Variants in JAKMIP3 observed in about 807,000 individuals in gnomAD.
JAKMIP3 encodes the protein janus kinase and microtubule-interacting protein 3.
In JAKMIP3, 58 loss-of-function variants were observed where a neutral mutation model predicts 118.5. The observed-to-expected ratio is 0.49, with a 90% CI of 0.40 to 0.61. The LOEUF (loss-of-function observed/expected upper bound fraction) is 0.61, where lower values mean the gene tolerates loss of function less well. Ranked by LOEUF, JAKMIP3 falls within the 20% of genes least tolerant of loss-of-function variation. JAKMIP3 has a pLI of 0.00. For synonymous variants in JAKMIP3, 486 were observed against 451.2 expected, an observed-to-expected ratio of 1.08 and a Z score of -0.98; for missense variants, 950 against 1,109.0, an observed-to-expected ratio of 0.86 and a Z score of 2.04.
At chr10:132,165,517 C>T (rs1264916250) in intron 21 of JAKMIP3, among the ~76,000 whole-genome samples, 1 of 152,138 alleles carries the variant, frequency 6.6e-6, no homozygotes, top group East Asian at 1.9e-4. Flanking sequence ...GGGACGGGCT[C>T]CCTCCGAGGG....
chr10:132,080,040 C>A (rs1278142085), intron 1 of JAKMIP3, among the ~76,000 whole-genome samples: 1 of 152,184 alleles, frequency 6.6e-6, no homozygotes, highest in Non-Finnish European at 1.5e-5. Flanking sequence ...TTTGAGGTGG[C>A]ATGGTGGCTC....
In JAKMIP3 at chr10:132,130,362, A is replaced by C. The variant is rs1466021519; in HGVS notation, c.634-2950A>C. Reference sequence around the variant, plus strand: ...ACAAGCCCCAGCTAGGACAAAGCACATCTCCTTATCTCTAGCACATCCGCT... The same window carrying C: ...ACAAGCCCCAGCTAGGACAAAGCACCTCTCCTTATCTCTAGCACATCCGCT... On this transcript the variant is annotated intron_variant, in intron 3 of 23. Transcript: ENST00000684848. Among the ~76,000 whole-genome samples, 3 of 152,240 alleles carry C rather than the reference A, an allele frequency of 2.0e-5. No individual in the cohort carries two copies. The South Asian group carries it at 6.2e-4, about 31-fold the overall frequency.
intron 2 of JAKMIP3, 93 bp downstream of exon 2, chr10:132,105,036 C>T (rs547517909): frequency 7.1e-7 from 1 of 1,416,194 alleles, no homozygotes; most frequent in African/African-American, 1.4e-5. Context: ...TTGGCCAGAT[C>T]CCTGTGGAAA....
At chr10:132,178,238 G>A (rs775583293) in intron 23 of JAKMIP3, among the ~76,000 whole-genome samples, 4 of 152,252 alleles carry the variant, frequency 2.6e-5, no homozygotes, top group Admixed American at 1.3e-4. Flanking sequence ...GCCACATGGG[G>A]CTCCGCCGTG....
At position 132,180,742 on chromosome 10, in the gene JAKMIP3, C is replaced by CGCGCGTGTGT. The variant is rs1412152341; in HGVS notation, c.*1104-1614_*1104-1613insCGCGTGTGTG. On this transcript the variant is annotated intron_variant, in intron 23 of 23. Coordinates refer to ENST00000684848, the MANE Select transcript of JAKMIP3 (RefSeq NM_001323087.2). ...GTGCGTGTGTGTGCGTGTGTGCGTG[C>CGCGCGTGTGT]GTGCGCGCGCGTGTGTGCGTGTGTG... 6.9e-4 allele frequency among the ~76,000 whole-genome samples: 6 copies of CGCGCGTGTGT among 8,710 alleles called. 1 individual carries two copies. The highest frequency in any genetic ancestry group is 3.5e-3 in the African/African-American group (6 of 1,724). The allele number at this position is 8,710 out of a possible 152,430, so 5.7% of individuals were successfully genotyped here.
upstream of JAKMIP3, among the ~76,000 whole-genome samples, chr10:132,064,578 C>T (rs779300498): frequency 2.6e-5 from 4 of 152,166 alleles, no homozygotes; most frequent in Non-Finnish European, 5.9e-5. This position sits in a 1 kb window ranked among gnomAD's most constrained non-coding sequence, Gnocchi z 4.4. Context: ...GGCCTCTTGG[C>T]GCTCCAGCCT....
intron 22 of JAKMIP3, 60 bp downstream of exon 22, chr10:132,167,115 C>G: frequency 8.6e-7 from 1 of 1,157,574 alleles, no homozygotes; most frequent in Non-Finnish European, 1.3e-6. Flanking sequence ...GAAGACTCCT[C>G]TGCCCCTGCC....
At chr10:132,137,210 A>T in intron 7 of JAKMIP3, 44 bp from the exon 8 acceptor site, 18 of 1,613,912 alleles carry the variant, frequency 1.1e-5, no homozygotes, top group Non-Finnish European at 1.4e-5. Context: ...CTTGGCTAAC[A>T]GGGACCCTGA....
rs977775275 is a variant in JAKMIP3, at chr10:132,184,559, G to A, written c.*3306G>A. ...GTAAATTTATGCAAAAACTAACCGG[G>A]CCTGTTTTCTTACGGCGGCATGCCA... On this transcript the variant is annotated 3_prime_UTR_variant, in exon 24 of 24. Transcript: ENST00000684848. 6.6e-6 allele frequency: 1 copy of A among 152,106 alleles called. No homozygotes were observed. Among genetic ancestry groups the A allele is most frequent in the Non-Finnish European group, 1.5e-5 (1 of 68,034 alleles). The allele number at this position is 152,106 out of a possible 1,614,324, so 9.4% of individuals were successfully genotyped here. A position where few individuals can be genotyped will look rare whatever the true frequency, so the allele number is the denominator to read the frequency against.
intron 9 of JAKMIP3, among the ~76,000 whole-genome samples, chr10:132,139,087 AGTGCGTGT>A (rs1467287086): frequency 1.6e-5 from 2 of 123,430 alleles, no homozygotes; most frequent in African/African-American, 6.0e-5. Context: ...TGTGTGTGTG[AGTGCGTGT>A]ATGTGTGTAC....
intron 21 of JAKMIP3, 74 bp from the exon 22 acceptor site, chr10:132,166,909 C>A: frequency 9.4e-7 from 1 of 1,069,468 alleles, no homozygotes; most frequent in Non-Finnish European, 1.4e-6. Flanking sequence ...GCGTGTATTT[C>A]TTGCCAGAAG....
chr10:132,134,959 G>C (rs1334674643), intron 4 of JAKMIP3, 82 bp from the exon 5 acceptor site: 4 of 1,545,546 alleles, frequency 2.6e-6, no homozygotes, highest in Admixed American at 1.8e-5. Flanking sequence ...CAGCGTTTTT[G>C]TTCCCGTAGC....
chr10:132,081,768 TGG>T (rs1024341385), intron 1 of JAKMIP3, among the ~76,000 whole-genome samples: 1 of 151,850 alleles, frequency 6.6e-6, no homozygotes, highest in East Asian at 1.9e-4. Flanking sequence ...CGAGGAGTCT[TGG>T]GGGGAGACGT....
intron 1 of JAKMIP3, among the ~76,000 whole-genome samples, chr10:132,048,221 G>C (rs1000518632): frequency 1.3e-5 from 2 of 152,240 alleles, no homozygotes; most frequent in African/African-American, 4.8e-5. Flanking sequence ...TTCCTTTTGG[G>C]AAGTCCCTGT....
rs377151206 is a variant in JAKMIP3 at position 132,117,469 on chromosome 10, C to G, written c.528C>G (p.Ile176Met). 102 of 1,613,844 alleles carry G rather than the reference C, an allele frequency of 6.3e-5. No individual in the cohort carries two copies. The African/African-American group carries it at 1.3e-3, about 21-fold the overall frequency. ...RQVEEALTLV[I>M]QADKIKAAEI... Reference sequence around the variant, plus strand: ...TGGAGGAGGCGCTGACGCTGGTGATCCAAGCGGACAAGATCAAGGCCGCAG... The same window carrying G: ...TGGAGGAGGCGCTGACGCTGGTGATGCAAGCGGACAAGATCAAGGCCGCAG... The change falls in exon 3 of 24, where the codon ATC (isoleucine) becomes ATG (methionine). Residue 176 changes from isoleucine (I) to methionine (M), a missense_variant. Transcript: ENST00000684848. This position sits in a 1 kb window ranked among gnomAD's most constrained non-coding sequence, Gnocchi z 8.6.
rs938806338 is a variant in JAKMIP3 at position 132,132,737 on chromosome 10, C to T, written c.634-575C>T. On this transcript the variant is annotated intron_variant, in intron 3 of 23. Coordinates refer to ENST00000684848, the MANE Select transcript of JAKMIP3 (RefSeq NM_001323087.2). ...AGCCATGCCCAGAAGCATGGAGGGG[C>T]GGTGTCCAAGGACCACAGTGGTGCC... Among the ~76,000 whole-genome samples the T allele has an allele frequency of 3.3e-5, 5 of 152,212 alleles. No homozygotes were observed. In the East Asian group the frequency reaches 5.8e-4, roughly 18 times the overall value.
intron 3 of JAKMIP3, among the ~76,000 whole-genome samples, chr10:132,119,287 A>G (rs1451897190): frequency 6.6e-6 from 1 of 152,150 alleles, no homozygotes; most frequent in East Asian, 1.9e-4. Flanking sequence ...CCTGTGCTCA[A>G]CAGCATCGTG....
intron 19 of JAKMIP3, among the ~76,000 whole-genome samples, chr10:132,155,113 T>G (rs975318684): frequency 9.7e-6 from 1 of 102,806 alleles, no homozygotes; most frequent in Admixed American, 1.0e-4. Context: ...GTGGCGATGA[T>G]GGTCATGATG....
At chr10:132,156,359 G>A (rs757243683) in intron 19 of JAKMIP3, among the ~76,000 whole-genome samples, 59 of 152,120 alleles carry the variant, frequency 3.9e-4, no homozygotes, top group Non-Finnish European at 5.7e-4. Context: ...CTAGAACAGT[G>A]CTCTCCCACG....
Sources: allele counts gnomAD v4.1 joint callset (sites outside exome capture counted in the v4.1 genomes callset), GRCh38; gene constraint gnomAD v4.1.1; non-coding constraint Gnocchi (gnomAD v3.1); transcripts MANE v1.5; gene names NCBI Gene and HGNC (gene_info 2026-07-23, HGNC 2026-07-21).